Variants in LIN9 observed in about 807,000 individuals in gnomAD.
The protein encoded by LIN9 is protein lin-9 homolog.
In LIN9, 18 loss-of-function variants were observed where a neutral mutation model predicts 78.0. The observed-to-expected ratio is 0.23, with a 90% CI of 0.16 to 0.34. The LOEUF is 0.34. Ranked by LOEUF, LIN9 falls within the 10% of genes least tolerant of loss-of-function variation. The probability of loss-of-function intolerance (pLI) is 1.00; values close to 1 mark genes in which losing one functional copy is unlikely to be tolerated. For missense variants in LIN9, 451 were observed against 644.1 expected (o/e 0.70, Z 3.25); for synonymous variants, 192 against 215.2 (o/e 0.89, Z 0.94).
intron 2 of LIN9, among the ~76,000 whole-genome samples, chr1:226,298,686 C>T (rs1004903490): frequency 2.0e-5 from 3 of 151,976 alleles, no homozygotes; most frequent in African/African-American, 4.8e-5. Context: ...CATGGTGAAA[C>T]GCCACCTCTA....
At chr1:226,263,475 T>C (rs1441612526) in intron 10 of LIN9, among the ~76,000 whole-genome samples, 1 of 152,054 alleles carries the variant, frequency 6.6e-6, no homozygotes, top group African/African-American at 2.4e-5. Flanking sequence ...AAATCAAATA[T>C]AACAAGGATC....
chr1:226,244,091 A>C (rs547533873), intron 11 of LIN9, among the ~76,000 whole-genome samples: 1 of 149,338 alleles, frequency 6.7e-6, no homozygotes, highest in Admixed American at 6.7e-5. Context: ...GGCCAGGCTA[A>C]TCTCGAACTC....
intron 10 of LIN9, among the ~76,000 whole-genome samples, chr1:226,255,994 A>T (rs1353158210): frequency 6.6e-6 from 1 of 152,054 alleles, no homozygotes; most frequent in African/African-American, 2.4e-5. Flanking sequence ...CAAAGCAAAG[A>T]TCTAAGAATC....
chr1:226,292,361 T>C (rs556160845), intron 4 of LIN9, among the ~76,000 whole-genome samples: 28 of 152,160 alleles, frequency 1.8e-4, no homozygotes, highest in Non-Finnish European at 4.0e-4. Flanking sequence ...GATTTCACCA[T>C]GTTGCCCAGG....
intron 10 of LIN9, among the ~76,000 whole-genome samples, chr1:226,263,913 C>G (rs1437855975): frequency 6.6e-6 from 1 of 151,938 alleles, no homozygotes; most frequent in Non-Finnish European, 1.5e-5. Context: ...CTCTACAAAA[C>G]CAATAAAAAA....
chr1:226,295,477 T>C (rs1662088580), intron 4 of LIN9, among the ~76,000 whole-genome samples: 1 of 151,252 alleles, frequency 6.6e-6, no homozygotes, highest in Non-Finnish European at 1.5e-5. Flanking sequence ...TAAACATATA[T>C]ATATATATTT....
intron 11 of LIN9, among the ~76,000 whole-genome samples, chr1:226,247,186 C>CT (rs1367704711): frequency 6.6e-6 from 1 of 151,940 alleles, no homozygotes; most frequent in Non-Finnish European, 1.5e-5. Context: ...TTCATTTGGT[C>CT]TTTTTTATTG....
At chr1:226,276,420 A>G (rs377037052) in intron 7 of LIN9, among the ~76,000 whole-genome samples, 2 of 152,180 alleles carry the variant, frequency 1.3e-5, no homozygotes, top group Non-Finnish European at 2.9e-5. Flanking sequence ...TAAGACAGAG[A>G]TCATATCATC....
At position 226,277,941 on chromosome 1, in the gene LIN9, A is replaced by C. The variant is rs763267840; in HGVS notation, c.525-9T>G. On this transcript the variant is annotated splice_polypyrimidine_tract_variant and intron_variant, in intron 6 of 14. Coordinates refer to ENST00000681046, the MANE Select transcript of LIN9 (RefSeq NM_001366245.2). ...AAAATGCAGAAGAACATCTAGAATA[A>C]ATTATAAAAAACATACAAACTGATA... The C allele has an allele frequency of 6.3e-7, 1 of 1,599,768 alleles. No homozygotes were observed. The highest frequency in any genetic ancestry group is 1.1e-5 in the South Asian group (1 of 88,782).
chr1:226,250,726 A>C (rs1658777594), intron 11 of LIN9, 113 bp downstream of exon 11: 2 of 617,262 alleles, frequency 3.2e-6, no homozygotes. Context: ...ATTTAAAAAT[A>C]ATATTTATCT....
At chr1:226,262,984 T>C (rs936255573) in intron 10 of LIN9, among the ~76,000 whole-genome samples, 3 of 152,104 alleles carry the variant, frequency 2.0e-5, no homozygotes, top group Non-Finnish European at 2.9e-5. Flanking sequence ...AAGCCACGAA[T>C]AGACATGAAA....
intron 1 of LIN9, among the ~76,000 whole-genome samples, chr1:226,305,477 AG>A (rs1350450722): frequency 2.6e-5 from 4 of 152,148 alleles, no homozygotes; most frequent in African/African-American, 4.8e-5. Context: ...TACACAACAG[AG>A]GGAGACCCTG....
At chr1:226,276,103 G>A (rs550885951) in intron 7 of LIN9, among the ~76,000 whole-genome samples, 1 of 152,310 alleles carries the variant, frequency 6.6e-6, no homozygotes, top group East Asian at 1.9e-4. Context: ...GCTATAGCCT[G>A]TCTAACCTAT....
intron 2 of LIN9, 70 bp downstream of exon 2, chr1:226,301,103 A>G (rs955311363): frequency 2.6e-6 from 3 of 1,164,572 alleles, no homozygotes; most frequent in African/African-American, 3.1e-5. Flanking sequence ...AAATGGAAAC[A>G]CTATATCCAG....
chr1:226,279,762 C>T (rs1397069542), intron 6 of LIN9, among the ~76,000 whole-genome samples: 4 of 137,630 alleles, frequency 2.9e-5, no homozygotes, highest in African/African-American at 5.4e-5. Context: ...AGAGCAAGAC[C>T]CAGTCTGAAA....
chr1:226,262,551 T>C (rs752321292), intron 10 of LIN9, among the ~76,000 whole-genome samples: 2 of 152,174 alleles, frequency 1.3e-5, no homozygotes, highest in Admixed American at 6.5e-5. Flanking sequence ...GAAATGTATA[T>C]GTCATCAGGG....
intron 4 of LIN9, 63 bp from the exon 5 acceptor site, chr1:226,287,860 C>T (rs1661470761): frequency 1.6e-6 from 2 of 1,240,310 alleles, no homozygotes; most frequent in South Asian, 2.9e-5. Context: ...CATTTATAAC[C>T]CTGAATAAAT....
chr1:226,244,984 A>G (rs1463818301), intron 11 of LIN9, among the ~76,000 whole-genome samples: 3 of 152,216 alleles, frequency 2.0e-5, no homozygotes, highest in African/African-American at 7.2e-5. Flanking sequence ...AAAGGCAAAC[A>G]TAAGTGTAGA....
chr1:226,293,952 A>G (rs930657635), intron 4 of LIN9, among the ~76,000 whole-genome samples: 1 of 152,194 alleles, frequency 6.6e-6, no homozygotes, highest in Non-Finnish European at 1.5e-5. Context: ...AAATTATCAT[A>G]AGGCATTTAA....
Sources: allele counts gnomAD v4.1 joint callset (sites outside exome capture counted in the v4.1 genomes callset), GRCh38; gene constraint gnomAD v4.1.1; transcripts MANE v1.5; gene names NCBI Gene and HGNC (gene_info 2026-07-23, HGNC 2026-07-21).